EXOC6: variants seen among roughly 807,000 people sequenced by gnomAD.
EXOC6 encodes SEC15-like 1.
Under a neutral mutation model 112.5 loss-of-function variants are expected in EXOC6, and 60 were observed. That is an observed-to-expected ratio of 0.53 (90% CI 0.43 to 0.66). The LOEUF (loss-of-function observed/expected upper bound fraction) is 0.66. Among genes scored for constraint, EXOC6 ranks in the 30% least tolerant of loss-of-function variants. The pLI is 0.00. For missense variants in EXOC6, 855 were observed against 957.1 expected (o/e 0.89, Z 1.41); for synonymous variants, 295 against 308.0 (o/e 0.96, Z 0.44).
chr10:92,860,308 G>A (rs1589715594), intron 1 of EXOC6, among the ~76,000 whole-genome samples: 1 of 85,712 alleles, frequency 1.2e-5, no homozygotes, highest in Non-Finnish European at 2.1e-5. Context: ...GTCTTGTTCT[G>A]TAGCCCAGGC....
At chr10:92,929,145 C>CA (rs1350755227) in intron 9 of EXOC6, among the ~76,000 whole-genome samples, 13 of 152,262 alleles carry the variant, frequency 8.5e-5, no homozygotes, top group Admixed American at 4.6e-4. Flanking sequence ...GCTGAGACTC[C>CA]AAAGGATTTA....
At chr10:93,007,613 A>G (rs1034281263) in intron 19 of EXOC6, among the ~76,000 whole-genome samples, 6 of 152,186 alleles carry the variant, frequency 3.9e-5, no homozygotes, top group Admixed American at 2.6e-4. Flanking sequence ...AGATCACACC[A>G]CTGCACTCCA....
chr10:92,935,756 T>C, intron 11 of EXOC6, 58 bp from the exon 12 acceptor site: 2 of 1,119,530 alleles, frequency 1.8e-6, no homozygotes, highest in Non-Finnish European at 2.7e-6. Context: ...TTTTTAATCA[T>C]ATGACTCTGG....
intron 19 of EXOC6, among the ~76,000 whole-genome samples, chr10:93,001,474 C>T (rs555788020): frequency 1.1e-4 from 16 of 152,268 alleles, no homozygotes; most frequent in African/African-American, 3.8e-4. Context: ...CTTAATAGAC[C>T]TAGTTCTACC....
intron 12 of EXOC6, among the ~76,000 whole-genome samples, chr10:92,937,445 A>G (rs1852407266): frequency 6.6e-6 from 1 of 152,140 alleles, no homozygotes; most frequent in South Asian, 2.1e-4. Context: ...GGAAATCCTG[A>G]TTTAAACTAT....
chr10:92,853,916 A>C (rs1478999221), intron 1 of EXOC6, among the ~76,000 whole-genome samples: 1 of 151,728 alleles, frequency 6.6e-6, no homozygotes, highest in Non-Finnish European at 1.5e-5. Flanking sequence ...AGAATTGAGA[A>C]TATCTAGTCC....
At chr10:92,903,818 A>G (rs1008105244) in intron 5 of EXOC6, among the ~76,000 whole-genome samples, 1 of 152,068 alleles carries the variant, frequency 6.6e-6, no homozygotes, top group African/African-American at 2.4e-5. Flanking sequence ...TATTTACCAG[A>G]GTCCATAGTT....
chr10:92,921,245 C>CTTTTTT (rs11443044), intron 8 of EXOC6, among the ~76,000 whole-genome samples: 6 of 115,786 alleles, frequency 5.2e-5, no homozygotes, highest in African/African-American at 1.0e-4. Flanking sequence ...TTGTCATTTC[C>CTTTTTT]TTTTTTTTTT....
At chr10:92,857,257 G>T (rs557889156) in intron 1 of EXOC6, among the ~76,000 whole-genome samples, 1 of 149,282 alleles carries the variant, frequency 6.7e-6, no homozygotes, top group Admixed American at 6.7e-5. Flanking sequence ...GTGATTTTTT[G>T]GGAATTTAGA....
intron 1 of EXOC6, among the ~76,000 whole-genome samples, chr10:92,850,453 T>C (rs1356748682): frequency 6.6e-6 from 1 of 152,258 alleles, no homozygotes; most frequent in African/African-American, 2.4e-5. Flanking sequence ...TGCACACATA[T>C]AGAGGGTACT....
At chr10:92,963,058 A>G (rs1191463482) in intron 17 of EXOC6, among the ~76,000 whole-genome samples, 1 of 152,244 alleles carries the variant, frequency 6.6e-6, no homozygotes, top group Non-Finnish European at 1.5e-5. Context: ...AAGAATTGGT[A>G]TAAACCCATG....
At chr10:93,054,265 T>C (rs1389342749) in intron 20 of EXOC6, among the ~76,000 whole-genome samples, 3 of 152,174 alleles carry the variant, frequency 2.0e-5, no homozygotes, top group African/African-American at 7.2e-5. Flanking sequence ...TAGCACAGTA[T>C]CTAGCACGTG....
intron 9 of EXOC6, among the ~76,000 whole-genome samples, chr10:92,929,219 G>T (rs184589506): frequency 6.6e-6 from 1 of 152,144 alleles, no homozygotes; most frequent in African/African-American, 2.4e-5. Flanking sequence ...TCCCTCTGGC[G>T]AATACTGTAA....
intron 12 of EXOC6, among the ~76,000 whole-genome samples, chr10:92,938,494 G>GC (rs1212776741): frequency 1.3e-5 from 2 of 152,020 alleles, no homozygotes; most frequent in African/African-American, 4.8e-5. Context: ...ATCAGCCCTT[G>GC]CCACCCTAAG....
intron 1 of EXOC6, among the ~76,000 whole-genome samples, chr10:92,855,214 G>A (rs1847542422): frequency 6.6e-6 from 1 of 151,840 alleles, no homozygotes; most frequent in South Asian, 2.1e-4. Context: ...CACTGTGCCT[G>A]GCATGAAAAT....
At chr10:92,886,531 CATTCT>C (rs1849226917) in intron 1 of EXOC6, among the ~76,000 whole-genome samples, 1 of 152,186 alleles carries the variant, frequency 6.6e-6, no homozygotes, top group Admixed American at 6.5e-5. Flanking sequence ...CTTCCCTCTG[CATTCT>C]ATGCTGCTTA....
chr10:92,867,019 C>T (rs892229775), intron 1 of EXOC6, among the ~76,000 whole-genome samples: 1 of 152,106 alleles, frequency 6.6e-6, no homozygotes. Context: ...ACTTGTTTTA[C>T]ATACTTAATG....
At chr10:93,003,481 G>T (rs1253276668) in intron 19 of EXOC6, among the ~76,000 whole-genome samples, 1 of 152,004 alleles carries the variant, frequency 6.6e-6, no homozygotes, top group Non-Finnish European at 1.5e-5. Flanking sequence ...CCTTGTGACG[G>T]GTGACACACG....
chr10:92,891,989 A>T, intron 1 of EXOC6, among the ~76,000 whole-genome samples: 1 of 152,186 alleles, frequency 6.6e-6, no homozygotes, highest in East Asian at 1.9e-4. Flanking sequence ...AGGGGTTGTA[A>T]GTTTACCTGT....
Sources: allele counts gnomAD v4.1 joint callset (sites outside exome capture counted in the v4.1 genomes callset), GRCh38; gene constraint gnomAD v4.1.1; transcripts MANE v1.5; gene names NCBI Gene and HGNC (gene_info 2026-07-23, HGNC 2026-07-21).